The following RELN variants were observed in gnomAD, a reference collection of about 807,000 sequenced individuals.
RELN encodes the protein reelin.
In RELN, 108 loss-of-function variants were observed where a neutral mutation model predicts 427.6. The ratio of observed to expected loss-of-function variants is 0.25; its 90% CI spans 0.22 to 0.30. RELN has a LOEUF of 0.30. Ranked by LOEUF, RELN falls within the 10% of genes least tolerant of loss-of-function variation. The pLI, the probability that RELN is intolerant of heterozygous loss-of-function variation, is 1.00. For synonymous variants in RELN, 1,524 were observed against 1,513.4 expected, an observed-to-expected ratio of 1.01 and a Z score of -0.16; for missense variants, 3,715 against 4,302.8, an observed-to-expected ratio of 0.86 and a Z score of 3.82.
At chr7:103,491,852 TCTCTCACACACA>T (rs1318041902) in intron 58 of RELN, 89 bp downstream of exon 58, 50 of 439,674 alleles carry the variant, frequency 1.1e-4, no homozygotes, top group African/African-American at 4.6e-4. Context: ...TCTCTCTCTC[TCTCTCACACACA>T]CACACACACA....
intron 2 of RELN, among the ~76,000 whole-genome samples, chr7:103,865,690 A>G (rs1794181246): frequency 6.6e-6 from 1 of 152,162 alleles, no homozygotes; most frequent in Non-Finnish European, 1.5e-5. Context: ...GCATGACAAA[A>G]TCCGAAATTC....
chr7:103,479,931 T>C (rs1169702091), intron 63 of RELN, among the ~76,000 whole-genome samples: 2 of 152,128 alleles, frequency 1.3e-5, no homozygotes, highest in African/African-American at 2.4e-5. Context: ...AGCGAAACTA[T>C]GGTAATAAAG....
At chr7:103,565,238 C>A (rs1269269067) in intron 34 of RELN, 40 bp downstream of exon 34, 1 of 1,607,074 alleles carries the variant, frequency 6.2e-7, no homozygotes, top group Non-Finnish European at 8.5e-7. Context: ...AAGTGACAGG[C>A]ACCCAAAGTT....
rs111693682 is a variant in RELN, at chr7:103,593,533, C to T, written c.3912+149G>A. 2.9e-4 allele frequency: 211 copies of T among 723,738 alleles called. No homozygotes were observed. The African/African-American group carries it at 3.0e-3, about 10-fold the overall frequency. The allele number at this position is 723,738 out of a possible 1,614,324, so 44.8% of individuals were successfully genotyped here. A position where few individuals can be genotyped will look rare whatever the true frequency, so the allele number is the denominator to read the frequency against. Reference sequence around the variant, plus strand: ...GCTTTCGAGTAGAGCTGAAAAGCTTCGCAATTCTAACACTGTTAAGCTTTC... The same window carrying T: ...GCTTTCGAGTAGAGCTGAAAAGCTTTGCAATTCTAACACTGTTAAGCTTTC... On this transcript the variant is annotated intron_variant, in intron 27 of 64. Coordinates refer to ENST00000428762, the MANE Select transcript of RELN (RefSeq NM_005045.4).
At chr7:103,666,910 G>A (rs1375449579) in intron 11 of RELN, among the ~76,000 whole-genome samples, 1 of 152,042 alleles carries the variant, frequency 6.6e-6, no homozygotes, top group Admixed American at 6.6e-5. Flanking sequence ...AAGAGTATCA[G>A]TTCTATCTGT....
chr7:103,521,962 C>T lies in RELN; in HGVS notation c.7668+60G>A. On this transcript the variant is annotated intron_variant, in intron 48 of 64. Transcript: ENST00000428762. ...TGCCCATTAAACTTCAGAAGAGAGT[C>T]AACTATTTGGAAGGAACTTAAGAAG... 11 of 1,548,534 alleles carry T rather than the reference C, an allele frequency of 7.1e-6. No homozygotes were observed. In the South Asian group the frequency reaches 1.1e-4, roughly 16 times the overall value.
chr7:103,676,192 GA>G (rs1833519237), intron 11 of RELN, among the ~76,000 whole-genome samples: 1 of 151,620 alleles, frequency 6.6e-6, no homozygotes, highest in Admixed American at 6.6e-5. Flanking sequence ...AAATTTACAA[GA>G]AAAAAATAAA....
At position 103,482,867 on chromosome 7, in the gene RELN, A is replaced by G; in HGVS notation, c.10280+6T>C. On this transcript the variant is annotated splice_donor_region_variant and intron_variant, in intron 63 of 64. Coordinates refer to ENST00000428762, the MANE Select transcript of RELN (RefSeq NM_005045.4). ...GGACATGGGATGCCATGTAATAGATACTCACAGGACGACCTCCACATGGTC... is the reference window on the plus strand; with the variant it reads ...GGACATGGGATGCCATGTAATAGATGCTCACAGGACGACCTCCACATGGTC... 6.2e-7 allele frequency: 1 copy of G among 1,614,106 alleles called. No homozygotes were observed. The highest frequency in any genetic ancestry group is 8.5e-7 in the Non-Finnish European group (1 of 1,179,982).
intron 1 of RELN, among the ~76,000 whole-genome samples, chr7:103,923,133 G>A (rs896919889): frequency 1.3e-5 from 2 of 152,088 alleles, no homozygotes; most frequent in South Asian, 2.1e-4. Flanking sequence ...AGAGAAATTC[G>A]TTTGCTTTTT....
chr7:103,598,082 T>A (rs923303616), intron 24 of RELN, among the ~76,000 whole-genome samples: 1 of 152,308 alleles, frequency 6.6e-6, no homozygotes, highest in African/African-American at 2.4e-5. Flanking sequence ...TCCACTAAGT[T>A]AATTAAGAAA....
chr7:103,477,863 A>G (rs1828090803), intron 64 of RELN, among the ~76,000 whole-genome samples: 1 of 152,258 alleles, frequency 6.6e-6, no homozygotes, highest in South Asian at 2.1e-4. Context: ...AGAACTCCTA[A>G]GTATTATGAA....
intron 2 of RELN, among the ~76,000 whole-genome samples, chr7:103,834,375 A>G (rs1287343423): frequency 6.6e-6 from 1 of 152,178 alleles, no homozygotes; most frequent in African/African-American, 2.4e-5. Context: ...GTGTTCAGCT[A>G]TGTTAAAGAG....
chr7:103,499,619 A>G (rs372213806), intron 53 of RELN, among the ~76,000 whole-genome samples: 48 of 152,316 alleles, frequency 3.2e-4, no homozygotes, highest in African/African-American at 1.1e-3. Context: ...AATCAATTCT[A>G]TAGTTAAAGA....
intron 6 of RELN, among the ~76,000 whole-genome samples, chr7:103,731,634 C>T (rs1227436424): frequency 6.6e-6 from 1 of 152,062 alleles, no homozygotes; most frequent in African/African-American, 2.4e-5. Flanking sequence ...GCAAATCCAA[C>T]TTTTAGAAAA....
intron 3 of RELN, among the ~76,000 whole-genome samples, chr7:103,787,422 T>C (rs1792045368): frequency 6.7e-6 from 1 of 149,772 alleles, no homozygotes; most frequent in Admixed American, 6.6e-5. Context: ...ATTAGCAAAA[T>C]AGATAGACCA....
At chr7:103,733,447 C>A (rs948909139) in intron 6 of RELN, among the ~76,000 whole-genome samples, 15 of 133,928 alleles carry the variant, frequency 1.1e-4, no homozygotes, top group Middle Eastern at 3.5e-3. Flanking sequence ...TGGGTATATA[C>A]CCAAAGGACT....
intron 16 of RELN, among the ~76,000 whole-genome samples, chr7:103,643,555 C>T (rs1157278437): frequency 6.6e-6 from 1 of 151,852 alleles, no homozygotes; most frequent in African/African-American, 2.4e-5. Context: ...TCCTGGAGTA[C>T]AGCAGCTATT....
chr7:103,872,009 T>C (rs1457038442), intron 2 of RELN, among the ~76,000 whole-genome samples: 1 of 130,402 alleles, frequency 7.7e-6, no homozygotes, highest in African/African-American at 2.9e-5. Context: ...ATCTACAGTA[T>C]ATGAATATAT....
chr7:103,776,728 G>C, intron 3 of RELN, 101 bp from the exon 4 acceptor site: 1 of 1,177,114 alleles, frequency 8.5e-7, no homozygotes, highest in Non-Finnish European at 1.2e-6. Context: ...ACTTTATTGT[G>C]TGGATATGAT....
Sources: gnomAD v4.1 joint callset for allele counts (sites outside exome capture counted in the v4.1 genomes callset) on GRCh38, gnomAD v4.1.1 for gene constraint, MANE v1.5 for transcripts, NCBI Gene and HGNC (gene_info 2026-07-23, HGNC 2026-07-21) for gene names.